Variants in KIF13A observed in about 807,000 individuals in gnomAD.
The protein encoded by KIF13A is kinesin family member 13A, also known as kinesin-like protein KIF13A.
Under a neutral mutation model 212.2 loss-of-function variants are expected in KIF13A, and 79 were observed. The observed-to-expected ratio is 0.37, with a 90% confidence interval of 0.31 to 0.45. The LOEUF (loss-of-function observed/expected upper bound fraction) is 0.45, where lower values mean the gene tolerates loss of function less well. KIF13A is among the 20% of genes least tolerant of loss of function. The pLI is 1.00. For synonymous variants in KIF13A, 789 were observed against 808.6 expected, an observed-to-expected ratio of 0.98 and a Z score of 0.41; for missense variants, 1,901 against 2,209.0, an observed-to-expected ratio of 0.86 and a Z score of 2.79.
intron 35 of KIF13A, among the ~76,000 whole-genome samples, chr6:17,774,287 T>C (rs1759745255): frequency 6.6e-6 from 1 of 152,128 alleles, no homozygotes; most frequent in Admixed American, 6.6e-5. Context: ...AATAAGATCA[T>C]GTTGCAATCT....
In KIF13A at chr6:17,785,655, TGAG is replaced by T. The variant is rs1243304017; in HGVS notation, c.3362-17_3362-15del. On this transcript the variant is annotated splice_polypyrimidine_tract_variant and intron_variant, in intron 27 of 38. Transcript: ENST00000259711. The surrounding 1 kb of genome is among the most constrained non-coding windows in gnomAD (Gnocchi z 5.8). ...CCTCTGTTTTCTCTGCAGAAAAAAA[TGAG>T]GAGATCAATGCCAACAAGAGAGAAA... is the stretch of plus-strand genomic sequence containing the variant. The T allele has an allele frequency of 1.4e-5, 22 of 1,596,470 alleles. No homozygotes were observed. The Middle Eastern group carries it at 6.6e-4, about 48-fold the overall frequency.
At position 17,900,928 on chromosome 6, in the gene KIF13A, A is replaced by C. The variant is rs1773002725; in HGVS notation, c.147-2748T>G. On this transcript the variant is annotated intron_variant, in intron 2 of 38. Coordinates refer to ENST00000259711, the MANE Select transcript of KIF13A (RefSeq NM_022113.6). This position sits in a 1 kb window ranked among gnomAD's most constrained non-coding sequence, Gnocchi z 4.6. ...CCCGCCTCTACTAAAAATACAAAAA[A>C]TTAGCCGGGCGTGGTGGCGGGTGCC... 6.6e-6 allele frequency among the ~76,000 whole-genome samples: 1 copy of C among 151,902 alleles called. No homozygotes were observed. Among genetic ancestry groups the C allele is most frequent in the South Asian group, 2.1e-4 (1 of 4,800 alleles).
At position 17,839,639 on chromosome 6, in the gene KIF13A, T is replaced by C. The variant is rs1581480794; in HGVS notation, c.831-2056A>G. ...TATTTGGAAAAAGGGTCCTTGCAGA[T>C]GTAATCAGTTAAGATGAGATCATAC... On this transcript the variant is annotated intron_variant, in intron 9 of 38. Coordinates refer to ENST00000259711, the MANE Select transcript of KIF13A (RefSeq NM_022113.6). This position sits in a 1 kb window ranked among gnomAD's most constrained non-coding sequence, Gnocchi z 4.3. Among the ~76,000 whole-genome samples the C allele has an allele frequency of 6.6e-6, 1 of 152,098 alleles. No homozygotes were observed. Among genetic ancestry groups the C allele is most frequent in the Non-Finnish European group, 1.5e-5 (1 of 68,018 alleles).
intron 3 of KIF13A, among the ~76,000 whole-genome samples, chr6:17,894,521 G>T (rs953932490): frequency 6.6e-6 from 1 of 151,420 alleles, no homozygotes; most frequent in Non-Finnish European, 1.5e-5. Flanking sequence ...TTTTACAGAA[G>T]TTTTAGGCTT....
chr6:17,912,718 G>A lies in KIF13A; in HGVS notation c.147-14538C>T, dbSNP rs1458810512. Reference sequence around the variant, plus strand: ...AAGTCTATTGATGGCTGGAAGAAGGGATCACATGAAAATAAACACATCCTC... The same window carrying A: ...AAGTCTATTGATGGCTGGAAGAAGGAATCACATGAAAATAAACACATCCTC... On this transcript the variant is annotated intron_variant, in intron 2 of 38. Coordinates refer to ENST00000259711, the MANE Select transcript of KIF13A (RefSeq NM_022113.6). The surrounding 1 kb of genome is among the most constrained non-coding windows in gnomAD (Gnocchi z 4.2). Among the ~76,000 whole-genome samples, 1 of 152,060 alleles carries A rather than the reference G, an allele frequency of 6.6e-6. No individual in the cohort carries two copies. The highest frequency in any genetic ancestry group is 1.5e-5 in the Non-Finnish European group (1 of 68,030).
rs557700898 is a variant in KIF13A at position 17,785,073 on chromosome 6, G to C, written c.3488+442C>G. Among the ~76,000 whole-genome samples, 250 of 152,186 alleles carry C rather than the reference G, an allele frequency of 1.6e-3. 1 individual carries two copies. The highest frequency in any genetic ancestry group is 5.8e-3 in the African/African-American group (240 of 41,534). Reference sequence around the variant, plus strand: ...AGGATTTAATGAATGGGTATGAAAGGTGTTTTATACACATTACAATATACA... The same window carrying C: ...AGGATTTAATGAATGGGTATGAAAGCTGTTTTATACACATTACAATATACA... On this transcript the variant is annotated intron_variant, in intron 28 of 38. Transcript: ENST00000259711. This position sits in a 1 kb window ranked among gnomAD's most constrained non-coding sequence, Gnocchi z 5.8.
At chr6:17,975,501 A>G (rs1238934673) in intron 2 of KIF13A, among the ~76,000 whole-genome samples, 2 of 152,194 alleles carry the variant, frequency 1.3e-5, no homozygotes, top group Non-Finnish European at 2.9e-5. Context: ...AAGACAATGT[A>G]GGCCCAAAAA....
intron 3 of KIF13A, among the ~76,000 whole-genome samples, chr6:17,893,905 T>A (rs1474808240): frequency 1.4e-5 from 2 of 141,466 alleles, no homozygotes; most frequent in African/African-American, 5.2e-5. Context: ...AGTGGCGCAA[T>A]CTCGGCTCAC....
chr6:17,880,731 C>A (rs1482082955), intron 3 of KIF13A, among the ~76,000 whole-genome samples: 2 of 151,574 alleles, frequency 1.3e-5, no homozygotes. Flanking sequence ...AACTCCTGGG[C>A]TCAAGCAGCC....
chr6:17,837,361 G>A lies in KIF13A; in HGVS notation c.942+111C>T. On this transcript the variant is annotated intron_variant, in intron 10 of 38. Transcript: ENST00000259711. The surrounding 1 kb of genome is among the most constrained non-coding windows in gnomAD (Gnocchi z 5.4). ...TGTGTTCCTAGGAATTAGAATAACTGTCATCAGGAGAGTTCTTTAGGTATT... is the reference window on the plus strand; with the variant it reads ...TGTGTTCCTAGGAATTAGAATAACTATCATCAGGAGAGTTCTTTAGGTATT... 1.4e-6 allele frequency: 1 copy of A among 731,406 alleles called. No individual in the cohort carries two copies. The allele number at this position is 731,406 out of a possible 1,614,324, so 45.3% of individuals were successfully genotyped here.
Position 17,900,679 on chromosome 6 carries a change from A to G in KIF13A, c.147-2499T>C, listed in dbSNP as rs138526334. On this transcript the variant is annotated intron_variant, in intron 2 of 38. Coordinates refer to ENST00000259711, the MANE Select transcript of KIF13A (RefSeq NM_022113.6). This position sits in a 1 kb window ranked among gnomAD's most constrained non-coding sequence, Gnocchi z 4.6. ...TACTTCATTCATTGATACATCCTCT[A>G]CTTCATTCACTGATACAACCTGTAC... Among the ~76,000 whole-genome samples the G allele has an allele frequency of 6.7e-3, 1,015 of 152,286 alleles. 6 individuals are homozygous for G. The highest frequency in any genetic ancestry group is 0.01 in the Middle Eastern group (3 of 294).
At position 17,794,896 on chromosome 6, in the gene KIF13A, T is replaced by C. The variant is rs1761900185; in HGVS notation, c.2943-192A>G. 1.8e-6 allele frequency: 1 copy of C among 565,670 alleles called. No homozygotes were observed. The highest frequency in any genetic ancestry group is 1.9e-5 in the African/African-American group (1 of 52,924). 35.0% of individuals were successfully genotyped at this position (565,670 alleles called of 1,614,324 possible). On this transcript the variant is annotated intron_variant, in intron 23 of 38. Transcript: ENST00000259711. This position sits in a 1 kb window ranked among gnomAD's most constrained non-coding sequence, Gnocchi z 4.1. ...TTTCTTTTTATTTATTTTACTGAGG[T>C]AGACTGAAATGTCCACATCTTGAGT...
intron 3 of KIF13A, among the ~76,000 whole-genome samples, chr6:17,880,584 C>A (rs374007431): frequency 6.9e-6 from 1 of 145,194 alleles, no homozygotes; most frequent in East Asian, 2.0e-4. Flanking sequence ...GCCAAGATCG[C>A]ACCATTGCAC....
In KIF13A at chr6:17,872,782, C is replaced by G. The variant is rs1770140344; in HGVS notation, c.220+595G>C. On this transcript the variant is annotated intron_variant, in intron 4 of 38. Transcript: ENST00000259711. This position sits in a 1 kb window ranked among gnomAD's most constrained non-coding sequence, Gnocchi z 4.7. The stretch of plus-strand genomic sequence containing the variant: ...TCCCAAGTAGCTGGGATTACAGGCG[C>G]CCACCACCACACCTGAATAAGTTTT... Among the ~76,000 whole-genome samples, 1 of 151,912 alleles carries G rather than the reference C, an allele frequency of 6.6e-6. No individual in the cohort carries two copies. The highest frequency in any genetic ancestry group is 1.5e-5 in the Non-Finnish European group (1 of 67,966).
At position 17,765,098 on chromosome 6, in the gene KIF13A, C is replaced by T. The variant is rs531064465; in HGVS notation, c.4582-152G>A. 4.3e-4 allele frequency among the ~76,000 whole-genome samples: 65 copies of T among 152,274 alleles called. 1 individual carries two copies. The South Asian group carries it at 0.012, about 28-fold the overall frequency. ...TTCCAAATTTGGCCAGATCTTGTCA[C>T]CTATTGTAGATATAGGTGTATCAGT... On this transcript the variant is annotated intron_variant, in intron 38 of 38. Coordinates refer to ENST00000259711, the MANE Select transcript of KIF13A (RefSeq NM_022113.6).
intron 17 of KIF13A, among the ~76,000 whole-genome samples, chr6:17,810,909 C>A (rs925913262): frequency 1.3e-5 from 2 of 152,172 alleles, no homozygotes; most frequent in East Asian, 1.9e-4. Context: ...GCTTGCTGGC[C>A]CACTATTCAC....
In KIF13A at chr6:17,888,996, C is replaced by T. The variant is rs1194546096; in HGVS notation, c.159+9172G>A. Among the ~76,000 whole-genome samples, 1 of 152,062 alleles carries T rather than the reference C, an allele frequency of 6.6e-6. No individual in the cohort carries two copies. Among genetic ancestry groups the T allele is most frequent in the Non-Finnish European group, 1.5e-5 (1 of 68,026 alleles). On this transcript the variant is annotated intron_variant, in intron 3 of 38. Transcript: ENST00000259711. The surrounding 1 kb of genome is among the most constrained non-coding windows in gnomAD (Gnocchi z 4.8). ...CAACACCAGTCACATATCATATGTT[C>T]ATAAACCACTTGTGGCTAAATGGCT...
chr6:17,771,113 C>T lies in KIF13A; in HGVS notation c.4581+1G>A. ...ATGACAGAAATGGTTCCGGAACTTA[C>T]AATCTTCTTCTCACGTTTGCTATTG... On this transcript the variant is annotated splice_donor_variant, in intron 38 of 38. Coordinates refer to ENST00000259711, the MANE Select transcript of KIF13A (RefSeq NM_022113.6). LOFTEE classifies it high-confidence loss of function. This position sits in a 1 kb window ranked among gnomAD's most constrained non-coding sequence, Gnocchi z 5.4. 2 of 1,603,720 alleles carry T rather than the reference C, an allele frequency of 1.2e-6. No individual in the cohort carries two copies. Among genetic ancestry groups the T allele is most frequent in the Non-Finnish European group, 1.7e-6 (2 of 1,171,954 alleles).
At chr6:17,890,340 A>G (rs1282791358) in intron 3 of KIF13A, among the ~76,000 whole-genome samples, 1 of 152,130 alleles carries the variant, frequency 6.6e-6, no homozygotes, top group Non-Finnish European at 1.5e-5. Flanking sequence ...GTGGCTCCTC[A>G]GGAAGGAAAG....
Sources: gnomAD v4.1 joint callset for allele counts (sites outside exome capture counted in the v4.1 genomes callset) on GRCh38, gnomAD v4.1.1 for gene constraint, Gnocchi (gnomAD v3.1) non-coding constraint, MANE v1.5 for transcripts, NCBI Gene and HGNC (gene_info 2026-07-23, HGNC 2026-07-21) for gene names.